Variants in NRXN3 observed in about 807,000 individuals in gnomAD.
The protein encoded by NRXN3 is neurexin III.
NRXN3 carries 32 observed loss-of-function variants against 137.6 expected under a neutral mutation model. That is an observed-to-expected ratio of 0.23 (90% CI 0.18 to 0.31). The LOEUF is 0.31. Among genes scored for constraint, NRXN3 ranks in the 10% least tolerant of loss-of-function variants. The pLI is 1.00. For missense variants in NRXN3, 1,574 were observed against 2,062.5 expected, an observed-to-expected ratio of 0.76 and a Z score of 4.59; for synonymous variants, 798 against 784.5, an observed-to-expected ratio of 1.02 and a Z score of -0.29.
At chr14:78,609,059 AG>A (rs1292593551) in intron 4 of NRXN3, among the ~76,000 whole-genome samples, 4 of 152,174 alleles carry the variant, frequency 2.6e-5, no homozygotes, top group African/African-American at 9.7e-5. Context: ...GATAGGATTC[AG>A]GGCACAGCTG....
intron 15 of NRXN3, among the ~76,000 whole-genome samples, chr14:79,145,389 C>G (rs1480913636): frequency 6.6e-6 from 1 of 152,136 alleles, no homozygotes; most frequent in Non-Finnish European, 1.5e-5. Context: ...TCATATCTCA[C>G]TTAGTTCTAC....
chr14:79,711,003 G>A (rs2154051410), intron 19 of NRXN3, among the ~76,000 whole-genome samples: 1 of 152,292 alleles, frequency 6.6e-6, no homozygotes, highest in East Asian at 1.9e-4. Flanking sequence ...TGCAAAGGCA[G>A]CAGCCATCTA....
chr14:79,361,996 A>AATAATT (rs373762391), intron 15 of NRXN3, among the ~76,000 whole-genome samples: 20 of 142,106 alleles, frequency 1.4e-4, no homozygotes, highest in South Asian at 4.5e-4. Flanking sequence ...CTACTTTTAT[A>AATAATT]ATTATTATTA....
At chr14:79,191,096 T>G (rs1568553364) in intron 15 of NRXN3, among the ~76,000 whole-genome samples, 1 of 152,184 alleles carries the variant, frequency 6.6e-6, no homozygotes, top group East Asian at 1.9e-4. Flanking sequence ...TTTGCGGTCT[T>G]TGGATGAAGG....
intron 1 of NRXN3, among the ~76,000 whole-genome samples, chr14:78,222,778 T>G (rs756681219): frequency 2.0e-5 from 3 of 152,202 alleles, no homozygotes; most frequent in Non-Finnish European, 4.4e-5. Flanking sequence ...TTGCAGAGCC[T>G]CTCACTACTT....
intron 8 of NRXN3, among the ~76,000 whole-genome samples, chr14:78,800,534 G>A (rs369027955): frequency 1.3e-5 from 2 of 152,094 alleles, no homozygotes; most frequent in South Asian, 2.1e-4. Context: ...TTATTGTAAC[G>A]GTGTTTGCAA....
chr14:79,418,282 C>G, intron 15 of NRXN3, among the ~76,000 whole-genome samples: 1 of 152,002 alleles, frequency 6.6e-6, no homozygotes, highest in Non-Finnish European at 1.5e-5. Context: ...TCTATAATTA[C>G]CTTTTATATT....
At chr14:79,590,194 T>A (rs1479823276) in intron 16 of NRXN3, among the ~76,000 whole-genome samples, 5 of 151,982 alleles carry the variant, frequency 3.3e-5, no homozygotes, top group Non-Finnish European at 7.4e-5. Context: ...TGGGAGGTAA[T>A]TGAATTATGT....
intron 10 of NRXN3, among the ~76,000 whole-genome samples, chr14:78,835,323 C>A (rs544865915): frequency 6.6e-6 from 1 of 152,304 alleles, no homozygotes; most frequent in African/African-American, 2.4e-5. Context: ...CGGATTCGAC[C>A]AGCTGCTCCT....
intron 4 of NRXN3, among the ~76,000 whole-genome samples, chr14:78,430,653 C>G (rs570144392): frequency 2.2e-4 from 33 of 152,338 alleles, no homozygotes; most frequent in African/African-American, 7.5e-4. Context: ...TCCAGCTCAG[C>G]CCATGTGCAT....
At chr14:79,240,678 G>A (rs565076220) in intron 15 of NRXN3, among the ~76,000 whole-genome samples, 2 of 152,032 alleles carry the variant, frequency 1.3e-5, no homozygotes, top group East Asian at 3.9e-4. Flanking sequence ...GCTTGTCTTT[G>A]TGCTCCCCTA....
At chr14:78,803,429 G>T (rs2098845384) in intron 8 of NRXN3, among the ~76,000 whole-genome samples, 191 bp from the exon 9 acceptor site, 1 of 152,106 alleles carries the variant, frequency 6.6e-6, no homozygotes, top group Non-Finnish European at 1.5e-5. Context: ...TGAGGAAATA[G>T]AGCCTCAGAG....
At chr14:78,968,607 T>C (rs1406306572) in intron 14 of NRXN3, among the ~76,000 whole-genome samples, 1 of 152,196 alleles carries the variant, frequency 6.6e-6, no homozygotes, top group Non-Finnish European at 1.5e-5. Context: ...AATAAAAAAC[T>C]TCCCTGGCAT....
At chr14:78,874,306 C>T (rs779380188) in intron 10 of NRXN3, among the ~76,000 whole-genome samples, 1 of 152,050 alleles carries the variant, frequency 6.6e-6, no homozygotes, top group Non-Finnish European at 1.5e-5. Context: ...ATCATAAGAA[C>T]CTTGAAGGGG....
intron 4 of NRXN3, among the ~76,000 whole-genome samples, chr14:78,508,307 A>T (rs1169823741): frequency 1.3e-5 from 2 of 152,200 alleles, no homozygotes; most frequent in Admixed American, 6.5e-5. Flanking sequence ...GACAAGTCAC[A>T]CCAAGGTTTA....
At chr14:78,884,221 T>C (rs906891382) in intron 10 of NRXN3, among the ~76,000 whole-genome samples, 3 of 152,202 alleles carry the variant, frequency 2.0e-5, no homozygotes, top group African/African-American at 7.2e-5. Context: ...CTTTCTCTCA[T>C]TTACTGCCTT....
At chr14:78,440,203 T>C (rs1433897454) in intron 4 of NRXN3, among the ~76,000 whole-genome samples, 2 of 152,212 alleles carry the variant, frequency 1.3e-5, no homozygotes, top group African/African-American at 2.4e-5. Context: ...TAATCATTTG[T>C]TTATTTTGTA....
At chr14:79,800,151 T>C (rs1434890685) in intron 19 of NRXN3, among the ~76,000 whole-genome samples, 3 of 152,170 alleles carry the variant, frequency 2.0e-5, no homozygotes, top group Non-Finnish European at 2.9e-5. Context: ...AGCATAGCCA[T>C]TGAAAGTTAT....
At chr14:79,806,806 TGA>T (rs2099207481) in intron 20 of NRXN3, among the ~76,000 whole-genome samples, 2 of 150,354 alleles carry the variant, frequency 1.3e-5, no homozygotes, top group Non-Finnish European at 3.0e-5. Flanking sequence ...CAGATATTTT[TGA>T]GAGTCAACTG....
Sources: allele counts gnomAD v4.1 joint callset (sites outside exome capture counted in the v4.1 genomes callset), GRCh38; gene constraint gnomAD v4.1.1; transcripts MANE v1.5; gene names NCBI Gene and HGNC (gene_info 2026-07-23, HGNC 2026-07-21).